The following DCDC2 variants were observed in gnomAD, a reference collection of about 807,000 sequenced individuals.
DCDC2 encodes the protein doublecortin domain-containing protein 2.
In DCDC2, 40 loss-of-function variants were observed where a neutral mutation model predicts 50.2. The ratio of observed to expected loss-of-function variants is 0.80; its 90% confidence interval spans 0.62 to 1.04. DCDC2 has a LOEUF of 1.04. Among genes scored for constraint, DCDC2 ranks in the 50% least tolerant of loss-of-function variants. The pLI, the probability that DCDC2 is intolerant of heterozygous loss-of-function variation, is 0.00. For missense variants in DCDC2, 570 were observed against 581.9 expected, an observed-to-expected ratio of 0.98 and a Z score of 0.21; for synonymous variants, 234 against 210.6, an observed-to-expected ratio of 1.11 and a Z score of -0.96.
chr6:24,345,451 C>T (rs1017496707), intron 2 of DCDC2, among the ~76,000 whole-genome samples: 10 of 152,174 alleles, frequency 6.6e-5, no homozygotes, highest in Non-Finnish European at 1.3e-4. Flanking sequence ...CAAAGTTTTG[C>T]AGTTTCACTC....
At chr6:24,365,180 A>G in the DCDC2 span, among the ~76,000 whole-genome samples, 1 of 152,296 alleles carries the variant, frequency 6.6e-6, no homozygotes, top group East Asian at 1.9e-4. Context: ...TATTGACTAT[A>G]AGGGGTATCA....
At chr6:24,282,276 C>G (rs1371188900) in intron 6 of DCDC2, among the ~76,000 whole-genome samples, 1 of 151,844 alleles carries the variant, frequency 6.6e-6, no homozygotes, top group East Asian at 1.9e-4. Flanking sequence ...AGACTCTCAC[C>G]CTACTGCCCA....
At chr6:24,354,927 G>T (rs770502938) in intron 1 of DCDC2, among the ~76,000 whole-genome samples, 4 of 152,268 alleles carry the variant, frequency 2.6e-5, no homozygotes, top group Non-Finnish European at 4.4e-5. Context: ...ATTTGAAAAA[G>T]ATGTTGCTGT....
chr6:24,196,134 A>G (rs1023430433), intron 8 of DCDC2, among the ~76,000 whole-genome samples: 6 of 152,204 alleles, frequency 3.9e-5, no homozygotes, highest in African/African-American at 1.4e-4. Context: ...GTATTTAAGT[A>G]TCTTTTCTAG....
intron 2 of DCDC2, among the ~76,000 whole-genome samples, chr6:24,327,166 T>G (rs903912211): frequency 7.4e-5 from 11 of 149,524 alleles, no homozygotes; most frequent in African/African-American, 2.7e-4. Flanking sequence ...CAGGGAAACC[T>G]AGGTTAGGCC....
intron 7 of DCDC2, among the ~76,000 whole-genome samples, chr6:24,272,919 C>T (rs1763267600): frequency 1.3e-5 from 2 of 152,058 alleles, no homozygotes; most frequent in African/African-American, 4.8e-5. Context: ...GTATTTTTAT[C>T]ACAGCACTAT....
chr6:24,235,075 A>T (rs1762415581), intron 7 of DCDC2, among the ~76,000 whole-genome samples: 1 of 152,252 alleles, frequency 6.6e-6, no homozygotes, highest in Admixed American at 6.5e-5. Flanking sequence ...ACAGCTGGTC[A>T]TGCAGAAATA....
At chr6:24,238,541 C>T (rs767415923) in intron 7 of DCDC2, among the ~76,000 whole-genome samples, 9 of 151,886 alleles carry the variant, frequency 5.9e-5, no homozygotes, top group Non-Finnish European at 1.0e-4. Flanking sequence ...TCAGGTGATC[C>T]GCCCACCTCA....
chr6:24,289,016 A>G (rs1449005993), intron 5 of DCDC2, 110 bp from the exon 6 acceptor site: 1 of 749,834 alleles, frequency 1.3e-6, no homozygotes, highest in Non-Finnish European at 2.2e-6. Context: ...GCTGTGTTTC[A>G]CAAAAGGTAG....
In DCDC2 at chr6:24,220,879, A is replaced by AGAGCGAGAGAGTGAGC. The variant is rs1410044395; in HGVS notation, c.923-15793_923-15778dup. On this transcript the variant is annotated intron_variant, in intron 7 of 9. Transcript: ENST00000378454. ...GAGAGAGACAGAGAGCAAGAGAGCG[A>AGAGCGAGAGAGTGAGC]GAGCGAGAGAGTGAGCGAGCGAGCG... Among the ~76,000 whole-genome samples, 102 of 107,030 alleles carry AGAGCGAGAGAGTGAGC rather than the reference A, an allele frequency of 9.5e-4. 1 individual carries two copies. The highest frequency in any genetic ancestry group is 4.0e-3 in the African/African-American group (86 of 21,740). 70.2% of individuals were successfully genotyped at this position (107,030 alleles called of 152,430 possible). A position where few individuals can be genotyped will look rare whatever the true frequency, so the allele number is the denominator to read the frequency against.
At chr6:24,321,074 A>G (rs34643396) in intron 2 of DCDC2, among the ~76,000 whole-genome samples, 26,759 of 152,106 alleles carry the variant, frequency 0.18, 2,543 homozygotes, top group African/African-American at 0.26. Context: ...ATATTATTAG[A>G]TTTTAACACC....
chr6:24,232,323 C>T (rs1762353346), intron 7 of DCDC2, among the ~76,000 whole-genome samples: 1 of 152,142 alleles, frequency 6.6e-6, no homozygotes, highest in Non-Finnish European at 1.5e-5. Context: ...GTTTATACAT[C>T]CCCTACAAAC....
At chr6:24,268,883 T>C (rs1395532628) in intron 7 of DCDC2, among the ~76,000 whole-genome samples, 3 of 152,200 alleles carry the variant, frequency 2.0e-5, no homozygotes, top group Non-Finnish European at 4.4e-5. Context: ...CTTTATTATG[T>C]AATTTTAAAG....
chr6:24,372,790 T>C, the DCDC2 span, among the ~76,000 whole-genome samples: 2 of 151,926 alleles, frequency 1.3e-5, no homozygotes, highest in East Asian at 1.9e-4. Context: ...GGGGGAGGGA[T>C]AGCATTAGGA....
chr6:24,332,994 A>G (rs920402510), intron 2 of DCDC2, among the ~76,000 whole-genome samples: 1 of 152,222 alleles, frequency 6.6e-6, no homozygotes, highest in African/African-American at 2.4e-5. Context: ...GGCCTGATGT[A>G]TATCAATAAT....
At chr6:24,297,581 A>C (rs1394224376) in intron 4 of DCDC2, among the ~76,000 whole-genome samples, 1 of 152,166 alleles carries the variant, frequency 6.6e-6, no homozygotes, top group Non-Finnish European at 1.5e-5. Context: ...ATTTTTTCAT[A>C]TTAATATATG....
rs370914949 is a variant in DCDC2 at position 24,190,866 on chromosome 6, G to A, written c.1024-12234C>T. Among the ~76,000 whole-genome samples the A allele has an allele frequency of 8.5e-5, 13 of 152,302 alleles. No homozygotes were observed. In the East Asian group the frequency reaches 1.9e-3, roughly 23 times the overall value. On this transcript the variant is annotated intron_variant, in intron 8 of 9. Coordinates refer to ENST00000378454, the MANE Select transcript of DCDC2 (RefSeq NM_016356.5). ...TACACATAATCCCTTTTAGTTCAGA[G>A]ACAGCAGTGAAGGTTGAGTGGCCCT... is the stretch of plus-strand genomic sequence containing the variant.
At position 24,174,527 on chromosome 6, in the gene DCDC2, C is replaced by T; in HGVS notation, c.*203G>A. ...TAATATTTCTATATGACTTTTAAAA[C>T]ACATGCAATAAAAGTAAGTAATTAT... On this transcript the variant is annotated 3_prime_UTR_variant, in exon 10 of 10. Transcript: ENST00000378454. 2.5e-6 allele frequency: 1 copy of T among 405,858 alleles called. No homozygotes were observed. Among genetic ancestry groups the T allele is most frequent in the South Asian group, 6.2e-5 (1 of 16,076 alleles). 25.1% of individuals were successfully genotyped at this position (405,858 alleles called of 1,614,324 possible). A position where few individuals can be genotyped will look rare whatever the true frequency, so the allele number is the denominator to read the frequency against.
At chr6:24,303,704 CTAAG>C (rs765727093) in intron 2 of DCDC2, among the ~76,000 whole-genome samples, 1 of 152,166 alleles carries the variant, frequency 6.6e-6, no homozygotes, top group Non-Finnish European at 1.5e-5. Flanking sequence ...AAGCACCGTA[CTAAG>C]TAATTTATAT....
Sources: gnomAD v4.1 joint callset for allele counts (sites outside exome capture counted in the v4.1 genomes callset) on GRCh38, gnomAD v4.1.1 for gene constraint, MANE v1.5 for transcripts, NCBI Gene and HGNC (gene_info 2026-07-23, HGNC 2026-07-21) for gene names.